CACNA1E: variants seen among roughly 807,000 people sequenced by gnomAD.
CACNA1E encodes the protein calcium voltage-gated channel subunit alpha1 E, also known as voltage-dependent R-type calcium channel subunit alpha-1E.
A neutral mutation model predicts 259.2 loss-of-function variants in CACNA1E; 40 were observed. The observed-to-expected ratio is 0.15, with a 90% CI of 0.12 to 0.20. The LOEUF (loss-of-function observed/expected upper bound fraction) is 0.20, where lower values mean the gene tolerates loss of function less well. Among genes scored for constraint, CACNA1E ranks in the 10% least tolerant of loss-of-function variants. The probability of loss-of-function intolerance (pLI) is 1.00; values close to 1 mark genes in which losing one functional copy is unlikely to be tolerated. For synonymous variants in CACNA1E, 1,104 were observed against 1,138.5 expected (o/e 0.97, Z 0.61); for missense variants, 1,874 against 3,040.1 (o/e 0.62, Z 9.02).
At chr1:181,343,586 A>C (rs539091876) in intron 1 of CACNA1E, among the ~76,000 whole-genome samples, 3 of 152,302 alleles carry the variant, frequency 2.0e-5, no homozygotes, top group Middle Eastern at 3.4e-3. Context: ...TGAGCCAAAT[A>C]AACTTCTTTC....
Position 181,732,806 on chromosome 1 carries a change from C to T in CACNA1E, c.2720C>T (p.Thr907Ile), listed in dbSNP as rs1655632409. 3 of 1,607,564 alleles carry T rather than the reference C, an allele frequency of 1.9e-6. No homozygotes were observed. The highest frequency in any genetic ancestry group is 1.7e-6 in the Non-Finnish European group (2 of 1,176,512). ...QEAGGGEAVV[T>I]FEDRARHRQS... ...GCAGGGGGAGGAGAGGCTGTGGTGA[C>T]CTTTGAGGACCGGGCCAGGCACAGG... is the stretch of plus-strand genomic sequence containing the variant. The change falls in exon 20 of 48, where the codon ACC becomes ATC. Residue 907 changes from threonine to isoleucine, a missense_variant. Transcript: ENST00000367573. The surrounding 1 kb of genome is among the most constrained non-coding windows in gnomAD (Gnocchi z 5.5).
chr1:181,347,977 G>A (rs986246572), intron 1 of CACNA1E, among the ~76,000 whole-genome samples: 13 of 152,238 alleles, frequency 8.5e-5, no homozygotes, highest in Non-Finnish European at 1.8e-4. Flanking sequence ...ATCCAGAGGC[G>A]GCTCACAGCC....
At chr1:181,481,330 T>C (rs1308129787), upstream of CACNA1E, among the ~76,000 whole-genome samples, 2 of 136,346 alleles carry the variant, frequency 1.5e-5, no homozygotes, top group African/African-American at 5.7e-5. Context: ...AGTAGAGAAT[T>C]TTCCTACACA....
At chr1:181,670,345 T>G (rs1334993247) in intron 7 of CACNA1E, among the ~76,000 whole-genome samples, 1 of 152,182 alleles carries the variant, frequency 6.6e-6, no homozygotes. Context: ...GCTGTTAGAG[T>G]TGTAGTTGAA....
intron 3 of CACNA1E, among the ~76,000 whole-genome samples, chr1:181,519,002 G>T (rs1666798725): frequency 6.6e-6 from 1 of 152,330 alleles, no homozygotes; most frequent in Non-Finnish European, 1.5e-5. Context: ...TACAGGGAAA[G>T]AAATTATGGC....
chr1:181,421,207 C>A (rs574559052), intron 2 of CACNA1E, among the ~76,000 whole-genome samples: 1 of 152,350 alleles, frequency 6.6e-6, no homozygotes, highest in South Asian at 2.1e-4. Context: ...ATGACGGGAA[C>A]TCAGTTCATG....
At chr1:181,385,224 TA>T (rs1280212388) in intron 1 of CACNA1E, among the ~76,000 whole-genome samples, 2 of 152,326 alleles carry the variant, frequency 1.3e-5, no homozygotes, top group African/African-American at 4.8e-5. Flanking sequence ...TCATGAGAAT[TA>T]AAAGTTTGTA....
chr1:181,735,667 A>G (rs528667502), intron 21 of CACNA1E, among the ~76,000 whole-genome samples: 2 of 152,328 alleles, frequency 1.3e-5, no homozygotes, highest in East Asian at 1.9e-4. Context: ...TCATTTCTAC[A>G]TTAACCATGG....
intron 7 of CACNA1E, among the ~76,000 whole-genome samples, chr1:181,703,779 T>A (rs1209152272): frequency 6.6e-6 from 1 of 152,196 alleles, no homozygotes; most frequent in Non-Finnish European, 1.5e-5. Flanking sequence ...CTGACCTCTC[T>A]CTATGCCTTA....
At chr1:181,790,052 T>G (rs188652065) in intron 43 of CACNA1E, among the ~76,000 whole-genome samples, 14 of 152,292 alleles carry the variant, frequency 9.2e-5, no homozygotes. Context: ...GGAAAATTTT[T>G]AAAAAGTCCA....
At chr1:181,365,885 G>A (rs1428034820) in intron 1 of CACNA1E, among the ~76,000 whole-genome samples, 1 of 152,242 alleles carries the variant, frequency 6.6e-6, no homozygotes, top group African/African-American at 2.4e-5. Context: ...AAGGGGGCTA[G>A]GGTAGAGAGG....
At chr1:181,677,200 A>G (rs1285707361) in intron 7 of CACNA1E, among the ~76,000 whole-genome samples, 4 of 152,158 alleles carry the variant, frequency 2.6e-5, no homozygotes, top group Non-Finnish European at 1.5e-5. Flanking sequence ...GATCTAGAAG[A>G]TAGATGATAG....
At position 181,771,389 on chromosome 1, in the gene CACNA1E, C is replaced by G. The variant is rs1181040033; in HGVS notation, c.4973+5C>G. ...GTCCCTAATGCTACTCTTCAGGTAC[C>G]TGGATGCGTAACTGTCATAGCTGGG... On this transcript the variant is annotated splice_donor_5th_base_variant and intron_variant, in intron 36 of 47. Transcript: ENST00000367573. 1.3e-6 allele frequency: 2 copies of G among 1,530,456 alleles called. No individual in the cohort carries two copies. The highest frequency in any genetic ancestry group is 9.0e-7 in the Non-Finnish European group (1 of 1,109,662). The allele number at this position is 1,530,456 out of a possible 1,614,324, so 94.8% of individuals were successfully genotyped here.
chr1:181,635,701 A>G (rs148646761), intron 6 of CACNA1E, among the ~76,000 whole-genome samples: 2 of 152,226 alleles, frequency 1.3e-5, no homozygotes, highest in African/African-American at 4.8e-5. Context: ...CTGCAGGTCC[A>G]GGGGCCACAC....
intron 7 of CACNA1E, among the ~76,000 whole-genome samples, chr1:181,709,721 G>A (rs549046558): frequency 5.3e-4 from 81 of 152,190 alleles, no homozygotes; most frequent in African/African-American, 1.7e-3. Context: ...TCGAATTCCT[G>A]GGCTCAAACA....
intron 38 of CACNA1E, among the ~76,000 whole-genome samples, chr1:181,777,397 G>A (rs1323156334): frequency 2.0e-5 from 3 of 152,166 alleles, no homozygotes; most frequent in Non-Finnish European, 4.4e-5. Context: ...CTATCCTCTG[G>A]TGAGGCTGTT....
chr1:181,620,547 C>A (rs952947639), intron 6 of CACNA1E, among the ~76,000 whole-genome samples: 1 of 152,174 alleles, frequency 6.6e-6, no homozygotes, highest in Non-Finnish European at 1.5e-5. Context: ...CAGCTGCTCT[C>A]AACTTGTCAT....
intron 3 of CACNA1E, among the ~76,000 whole-genome samples, chr1:181,565,475 G>A (rs770457769): frequency 2.0e-5 from 3 of 152,168 alleles, no homozygotes; most frequent in Non-Finnish European, 4.4e-5. Flanking sequence ...CAGCTCTTGA[G>A]CCTTTTAGCT....
At chr1:181,707,035 G>C (rs1265156686) in intron 7 of CACNA1E, among the ~76,000 whole-genome samples, 1 of 152,142 alleles carries the variant, frequency 6.6e-6, no homozygotes, top group East Asian at 1.9e-4. Flanking sequence ...CCTCATGAAG[G>C]CTTTACTTGA....
Sources: allele counts gnomAD v4.1 joint callset (sites outside exome capture counted in the v4.1 genomes callset), GRCh38; gene constraint gnomAD v4.1.1; non-coding constraint Gnocchi (gnomAD v3.1); transcripts MANE v1.5; gene names NCBI Gene and HGNC (gene_info 2026-07-23, HGNC 2026-07-21).